Variants in CAMTA1 observed in about 807,000 individuals in gnomAD.
CAMTA1 encodes calmodulin-binding transcription activator 1.
In CAMTA1, 27 loss-of-function variants were observed where a neutral mutation model predicts 170.9. That is an observed-to-expected ratio of 0.16 (90% CI 0.12 to 0.22). CAMTA1 has a LOEUF of 0.22. CAMTA1 is among the 10% of genes least tolerant of loss of function. CAMTA1 has a pLI of 1.00. For missense variants in CAMTA1, 1,619 were observed against 2,217.2 expected (o/e 0.73, Z 5.42); for synonymous variants, 833 against 891.5 (o/e 0.93, Z 1.17).
At chr1:6,941,773 C>G (rs1686673898) in intron 3 of CAMTA1, among the ~76,000 whole-genome samples, 1 of 152,232 alleles carries the variant, frequency 6.6e-6, no homozygotes, top group Non-Finnish European at 1.5e-5. Context: ...GGAGGCCGTA[C>G]AGGTGAGGCC....
chr1:7,650,573 T>C (rs548922854), intron 7 of CAMTA1, among the ~76,000 whole-genome samples: 41 of 152,272 alleles, frequency 2.7e-4, no homozygotes, highest in African/African-American at 9.6e-4. Flanking sequence ...ACGAAGCCCA[T>C]GCCCCCTGGC....
intron 10 of CAMTA1, among the ~76,000 whole-genome samples, chr1:7,676,949 TTAA>T (rs2149270773): frequency 6.6e-6 from 1 of 152,238 alleles, no homozygotes; most frequent in East Asian, 1.9e-4. Context: ...GCCACAGCAG[TTAA>T]CGAGACCTGC....
At chr1:7,086,360 A>G (rs766741672) in intron 3 of CAMTA1, among the ~76,000 whole-genome samples, 2 of 151,994 alleles carry the variant, frequency 1.3e-5, no homozygotes, top group Non-Finnish European at 2.9e-5. Flanking sequence ...CGTGGGTTGG[A>G]TGGCTGGAAT....
chr1:6,942,996 C>T (rs1013950202), intron 3 of CAMTA1, among the ~76,000 whole-genome samples: 15 of 152,190 alleles, frequency 9.9e-5, no homozygotes, highest in Non-Finnish European at 5.9e-5. Flanking sequence ...GCTCCAGCTT[C>T]CAGTGATTTC....
intron 5 of CAMTA1, among the ~76,000 whole-genome samples, chr1:7,329,984 A>T (rs1431696990): frequency 3.3e-5 from 5 of 152,140 alleles, no homozygotes; most frequent in Non-Finnish European, 7.3e-5. Flanking sequence ...ACGGCCACAG[A>T]TAGATTTCCA....
chr1:7,383,261 T>C (rs55775135), intron 5 of CAMTA1, among the ~76,000 whole-genome samples: 3 of 152,300 alleles, frequency 2.0e-5, no homozygotes, highest in Non-Finnish European at 2.9e-5. Flanking sequence ...CAAATATAAA[T>C]AGTGAGAAAA....
intron 5 of CAMTA1, among the ~76,000 whole-genome samples, chr1:7,288,781 T>C (rs1201778452): frequency 6.6e-6 from 1 of 152,090 alleles, no homozygotes; most frequent in East Asian, 1.9e-4. Context: ...CAGTGAGAGG[T>C]GGCTGCAGCC....
In CAMTA1 at chr1:7,680,171, C is replaced by A; in HGVS notation, c.2914+2438C>A. 1 of 262,012 alleles carries A rather than the reference C, an allele frequency of 3.8e-6. No individual in the cohort carries two copies. Among genetic ancestry groups the A allele is most frequent in the South Asian group, 2.9e-5 (1 of 34,522 alleles). 16.2% of individuals were successfully genotyped at this position (262,012 alleles called of 1,614,324 possible). ...GCCTCTGGCCAGCCACGGGGCCTGGCCATGAACTTTGCGTCCGGGCCAATG... is the reference window on the plus strand; with the variant it reads ...GCCTCTGGCCAGCCACGGGGCCTGGACATGAACTTTGCGTCCGGGCCAATG... On this transcript the variant is annotated intron_variant, in intron 11 of 22. Transcript: ENST00000303635. This position sits in a 1 kb window ranked among gnomAD's most constrained non-coding sequence, Gnocchi z 4.4.
In CAMTA1 at chr1:7,685,016, G is replaced by A. The variant is rs1463021943; in HGVS notation, c.2914+7283G>A. Reference sequence around the variant, plus strand: ...ACTCCGCGGTGTCGGGGAGTTCACAGGCACCGTCCCGCGGTCACAGGTGGC... The same window carrying A: ...ACTCCGCGGTGTCGGGGAGTTCACAAGCACCGTCCCGCGGTCACAGGTGGC... On this transcript the variant is annotated intron_variant, in intron 11 of 22. Transcript: ENST00000303635. The surrounding 1 kb of genome is among the most constrained non-coding windows in gnomAD (Gnocchi z 5.7). Among the ~76,000 whole-genome samples the A allele has an allele frequency of 6.6e-6, 1 of 152,174 alleles. No homozygotes were observed. Among genetic ancestry groups the A allele is most frequent in the Non-Finnish European group, 1.5e-5 (1 of 68,032 alleles).
chr1:6,833,896 G>T (rs1005769016), intron 3 of CAMTA1, among the ~76,000 whole-genome samples: 1 of 152,140 alleles, frequency 6.6e-6, no homozygotes, highest in South Asian at 2.1e-4. Flanking sequence ...CCACAGAGCC[G>T]CAGTTGAGAA....
chr1:7,667,291 C>T (rs1217003450), intron 9 of CAMTA1, among the ~76,000 whole-genome samples: 3 of 152,176 alleles, frequency 2.0e-5, no homozygotes, highest in African/African-American at 4.8e-5. Flanking sequence ...GCATCTTCCC[C>T]GTGCCCCCTG....
intron 6 of CAMTA1, among the ~76,000 whole-genome samples, chr1:7,564,361 C>T (rs960340026): frequency 4.6e-5 from 7 of 152,328 alleles, no homozygotes; most frequent in African/African-American, 1.4e-4. Context: ...TTGTAAGGGC[C>T]GTGGGAGGGA....
chr1:6,935,455 C>G (rs1410961544), intron 3 of CAMTA1, among the ~76,000 whole-genome samples: 1 of 152,120 alleles, frequency 6.6e-6, no homozygotes, highest in African/African-American at 2.4e-5. Flanking sequence ...TCTGTCTGCT[C>G]CAGTCGCGGG....
At chr1:7,623,757 C>T (rs558705237) in intron 6 of CAMTA1, among the ~76,000 whole-genome samples, 6 of 152,336 alleles carry the variant, frequency 3.9e-5, no homozygotes, top group Middle Eastern at 3.4e-3. Flanking sequence ...CTCGGCCTCC[C>T]GAGGTGCTGG....
At chr1:6,818,358 A>G (rs986421696) in intron 1 of CAMTA1, among the ~76,000 whole-genome samples, 2 of 146,978 alleles carry the variant, frequency 1.4e-5, no homozygotes, top group African/African-American at 5.1e-5. Flanking sequence ...ACAAACAAAT[A>G]ACAACAAATA....
intron 6 of CAMTA1, among the ~76,000 whole-genome samples, chr1:7,595,565 T>C (rs2095393567): frequency 6.6e-6 from 1 of 152,194 alleles, no homozygotes; most frequent in African/African-American, 2.4e-5. Flanking sequence ...CCGCCGGGGA[T>C]GCCCTGCACA....
At chr1:7,188,885 T>A (rs1653984233) in intron 4 of CAMTA1, among the ~76,000 whole-genome samples, 1 of 152,220 alleles carries the variant, frequency 6.6e-6, no homozygotes, top group South Asian at 2.1e-4. Flanking sequence ...GGAACCATTA[T>A]ACCATTTTCC....
intron 6 of CAMTA1, among the ~76,000 whole-genome samples, chr1:7,491,436 A>AGAG (rs2149696562): frequency 6.6e-6 from 1 of 152,364 alleles, no homozygotes; most frequent in African/African-American, 2.4e-5. Flanking sequence ...GCCCATGTTT[A>AGAG]GAGTAGACAC....
chr1:7,617,332 C>G (rs1219860275), intron 6 of CAMTA1, among the ~76,000 whole-genome samples: 1 of 152,194 alleles, frequency 6.6e-6, no homozygotes, highest in Non-Finnish European at 1.5e-5. Context: ...AGTGTAGCAG[C>G]AGAGAACCAG....
Sources: allele counts gnomAD v4.1 joint callset (sites outside exome capture counted in the v4.1 genomes callset), GRCh38; gene constraint gnomAD v4.1.1; non-coding constraint Gnocchi (gnomAD v3.1); transcripts MANE v1.5; gene names NCBI Gene and HGNC (gene_info 2026-07-23, HGNC 2026-07-21).